GPC5: variants seen among roughly 807,000 people sequenced by gnomAD.
The protein encoded by GPC5 is glypican-5.
Under a neutral mutation model 53.9 loss-of-function variants are expected in GPC5, and 47 were observed. That is an observed-to-expected ratio of 0.87 (90% CI 0.69 to 1.11). The LOEUF (loss-of-function observed/expected upper bound fraction) is 1.11. GPC5 is among the 50% of genes most tolerant of loss of function. GPC5 has a pLI of 0.00. For missense variants in GPC5, 748 were observed against 713.1 expected (o/e 1.05, Z -0.56); for synonymous variants, 286 against 263.3 (o/e 1.09, Z -0.84).
chr13:92,711,134 G>C (rs1312837378), intron 7 of GPC5, among the ~76,000 whole-genome samples: 1 of 152,054 alleles, frequency 6.6e-6, no homozygotes, highest in Non-Finnish European at 1.5e-5. Context: ...TAAAAAATAA[G>C]AAAATGCTCT....
intron 7 of GPC5, among the ~76,000 whole-genome samples, chr13:92,460,539 G>A (rs1040479385): frequency 6.6e-6 from 1 of 152,062 alleles, no homozygotes; most frequent in Admixed American, 6.6e-5. Flanking sequence ...ATGTCCTAGT[G>A]GATATTGAAG....
At chr13:91,848,707 A>G (rs754325954) in intron 5 of GPC5, among the ~76,000 whole-genome samples, 1 of 152,346 alleles carries the variant, frequency 6.6e-6, no homozygotes, top group East Asian at 1.9e-4. Context: ...CTCTCAAACC[A>G]TAGTAGTAAA....
intron 6 of GPC5, among the ~76,000 whole-genome samples, chr13:92,031,752 T>TATATTACATATTATATATAA (rs1566403212): frequency 2.3e-5 from 1 of 43,758 alleles, no homozygotes. Flanking sequence ...ATAATATATA[T>TATATTACATATTATATATAA]TATATTACAT....
intron 7 of GPC5, among the ~76,000 whole-genome samples, chr13:92,455,319 AAT>A (rs1878218065): frequency 6.6e-6 from 1 of 152,216 alleles, no homozygotes; most frequent in African/African-American, 2.4e-5. Context: ...AAAGGATAGA[AAT>A]ATCCAGAGGT....
chr13:92,083,315 A>G (rs1293187025), intron 6 of GPC5, among the ~76,000 whole-genome samples: 2 of 152,180 alleles, frequency 1.3e-5, no homozygotes, highest in African/African-American at 2.4e-5. Context: ...GTACAATGGT[A>G]AGAGGAAATC....
chr13:91,690,962 TG>T (rs2035744977), intron 2 of GPC5, among the ~76,000 whole-genome samples: 1 of 152,214 alleles, frequency 6.6e-6, no homozygotes, highest in Non-Finnish European at 1.5e-5. Context: ...TAACCATTAT[TG>T]GTAAATAAAA....
intron 2 of GPC5, among the ~76,000 whole-genome samples, chr13:91,555,387 T>A (rs1230952014): frequency 6.6e-6 from 1 of 152,008 alleles, no homozygotes; most frequent in African/African-American, 2.4e-5. Context: ...GGTAACAAAT[T>A]TTGTAAGAGC....
chr13:92,004,492 T>TATATATATATATATAAA (rs1555303853), intron 6 of GPC5, among the ~76,000 whole-genome samples: 3 of 73,058 alleles, frequency 4.1e-5, no homozygotes, highest in South Asian at 3.5e-4. Flanking sequence ...ATATATATAA[T>TATATATATATATATAAA]TACACTATAG....
intron 2 of GPC5, among the ~76,000 whole-genome samples, chr13:91,487,338 T>C (rs1413795539): frequency 2.0e-5 from 3 of 152,136 alleles, no homozygotes; most frequent in Non-Finnish European, 4.4e-5. Flanking sequence ...AAGATGGAAA[T>C]TAACTTATAA....
At chr13:92,209,006 A>G (rs916780479) in intron 7 of GPC5, among the ~76,000 whole-genome samples, 9 of 152,322 alleles carry the variant, frequency 5.9e-5, no homozygotes, top group African/African-American at 2.2e-4. Flanking sequence ...AAACTAAACT[A>G]AAATATTAGA....
At chr13:92,543,394 T>C (rs1881991540) in intron 7 of GPC5, among the ~76,000 whole-genome samples, 1 of 150,330 alleles carries the variant, frequency 6.7e-6, no homozygotes, top group South Asian at 2.1e-4. Context: ...CTCTTGTGTC[T>C]CAATGAGTTT....
At position 91,809,749 on chromosome 13, in the gene GPC5, T is replaced by C. The variant is rs140138785; in HGVS notation, c.1280+53329T>C. Among the ~76,000 whole-genome samples the C allele has an allele frequency of 1.2e-4, 18 of 152,192 alleles. No individual in the cohort carries two copies. The East Asian group carries it at 3.5e-3, about 29-fold the overall frequency. On this transcript the variant is annotated intron_variant, in intron 5 of 7. Coordinates refer to ENST00000377067, the MANE Select transcript of GPC5 (RefSeq NM_004466.6). ...ACAGAATACATATGGCCCAAAGACATGTTGAAACATATACTGAATATACTC... is the reference window on the plus strand; with the variant it reads ...ACAGAATACATATGGCCCAAAGACACGTTGAAACATATACTGAATATACTC...
chr13:92,130,464 A>G (rs2041734338), intron 6 of GPC5, among the ~76,000 whole-genome samples: 1 of 152,058 alleles, frequency 6.6e-6, no homozygotes, highest in Non-Finnish European at 1.5e-5. Context: ...AATTCCAACC[A>G]CATGTGGATT....
intron 3 of GPC5, among the ~76,000 whole-genome samples, chr13:91,715,497 G>C (rs1377262481): frequency 1.3e-5 from 2 of 152,060 alleles, no homozygotes; most frequent in African/African-American, 4.8e-5. Context: ...AGACAAAAAA[G>C]AACAAAATGT....
chr13:91,917,227 G>T (rs771748000), intron 6 of GPC5, among the ~76,000 whole-genome samples: 19 of 152,160 alleles, frequency 1.2e-4, no homozygotes, highest in Non-Finnish European at 2.1e-4. Flanking sequence ...AGAAGCTACA[G>T]GTCCCATGCA....
chr13:92,158,735 C>T (rs1452098955), intron 7 of GPC5, among the ~76,000 whole-genome samples: 1 of 152,050 alleles, frequency 6.6e-6, no homozygotes, highest in Non-Finnish European at 1.5e-5. Flanking sequence ...TATTGTCCAT[C>T]TCTACACTCT....
rs922890258 is a variant in GPC5 at position 91,589,941 on chromosome 13, G to A, written c.326-103246G>A. Among the ~76,000 whole-genome samples the A allele has an allele frequency of 6.6e-5, 10 of 152,116 alleles. No individual in the cohort carries two copies. The South Asian group carries it at 2.1e-3, about 32-fold the overall frequency. ...ATTAAATACTCTTCAGTCCTATAGT[G>A]TGTAACCTTGGAGTTTGATAATTCA... On this transcript the variant is annotated intron_variant, in intron 2 of 7. Coordinates refer to ENST00000377067, the MANE Select transcript of GPC5 (RefSeq NM_004466.6).
At chr13:91,798,164 A>G (rs1394451292) in intron 5 of GPC5, among the ~76,000 whole-genome samples, 1 of 152,192 alleles carries the variant, frequency 6.6e-6, no homozygotes, top group African/African-American at 2.4e-5. Context: ...TCATTTAAAA[A>G]TTTCCAAATT....
chr13:91,831,229 G>T (rs2038654124), intron 5 of GPC5, among the ~76,000 whole-genome samples: 1 of 151,132 alleles, frequency 6.6e-6, no homozygotes, highest in Non-Finnish European at 1.5e-5. Context: ...AAAACTTGGA[G>T]TCTGATGTTG....
Sources: gnomAD v4.1 joint callset for allele counts (sites outside exome capture counted in the v4.1 genomes callset) on GRCh38, gnomAD v4.1.1 for gene constraint, MANE v1.5 for transcripts, NCBI Gene and HGNC (gene_info 2026-07-23, HGNC 2026-07-21) for gene names.